Variants in EZH2 observed in about 807,000 individuals in gnomAD.
EZH2 encodes enhancer of zeste 2 polycomb repressive complex 2 subunit.
EZH2 carries 18 observed loss-of-function variants against 98.4 expected under a neutral mutation model. That is an observed-to-expected ratio of 0.18 (90% CI 0.13 to 0.27). The LOEUF (loss-of-function observed/expected upper bound fraction) is 0.27. Among genes scored for constraint, EZH2 ranks in the 10% least tolerant of loss-of-function variants. The pLI is 1.00. For synonymous variants in EZH2, 338 were observed against 312.3 expected, an observed-to-expected ratio of 1.08 and a Z score of -0.87; for missense variants, 470 against 935.1, an observed-to-expected ratio of 0.50 and a Z score of 6.49.
At chr7:148,826,714 G>A (rs1807813152) in intron 7 of EZH2, 82 bp from the exon 8 acceptor site, 2 of 1,185,336 alleles carry the variant, frequency 1.7e-6, no homozygotes, top group Non-Finnish European at 2.2e-6. Flanking sequence ...GTTTCCATGT[G>A]TTACTTTTGA....
intron 1 of EZH2, among the ~76,000 whole-genome samples, chr7:148,854,614 A>C (rs2129487069): frequency 6.6e-6 from 1 of 152,332 alleles, no homozygotes; most frequent in African/African-American, 2.4e-5. Flanking sequence ...TTAACTGAAT[A>C]CCAGGCTATG....
At chr7:148,849,019 G>C (rs1019803077) in intron 1 of EZH2, among the ~76,000 whole-genome samples, 1 of 151,890 alleles carries the variant, frequency 6.6e-6, no homozygotes, top group African/African-American at 2.4e-5. Context: ...CAATGTAAAT[G>C]CCATGTAAAT....
At chr7:148,870,191 C>T (rs1819147552) in intron 1 of EZH2, among the ~76,000 whole-genome samples, 2 of 152,240 alleles carry the variant, frequency 1.3e-5, no homozygotes. Flanking sequence ...AGCAACACTT[C>T]TGCCATCTAC....
intron 9 of EZH2, 57 bp downstream of exon 9, chr7:148,819,539 A>T: frequency 7.0e-7 from 1 of 1,421,236 alleles, no homozygotes; most frequent in Admixed American, 1.7e-5. Context: ...GATCACCTCC[A>T]CCAAAGTGCA....
At chr7:148,858,075 G>A (rs1249799230) in intron 1 of EZH2, among the ~76,000 whole-genome samples, 2 of 151,686 alleles carry the variant, frequency 1.3e-5, no homozygotes, top group Non-Finnish European at 1.5e-5. Context: ...GGCAGATCAC[G>A]AGGTCAGGAG....
chr7:148,862,540 T>C (rs529373694), intron 1 of EZH2, among the ~76,000 whole-genome samples: 42 of 152,314 alleles, frequency 2.8e-4, no homozygotes, highest in Non-Finnish European at 4.9e-4. Context: ...TTAAAAAAAG[T>C]CTGCCAAATA....
At chr7:148,875,983 C>T (rs1027728170) in intron 1 of EZH2, 6 of 152,130 alleles carry the variant, frequency 3.9e-5, no homozygotes, top group Non-Finnish European at 5.9e-5. Context: ...CAGGAAAACC[C>T]CATCTCTACA....
chr7:148,830,522 A>G (rs1809070040), intron 4 of EZH2, among the ~76,000 whole-genome samples: 1 of 152,242 alleles, frequency 6.6e-6, no homozygotes, highest in South Asian at 2.1e-4. Context: ...AAGACATCCA[A>G]TATAATAAAA....
intron 18 of EZH2, 59 bp downstream of exon 18, chr7:148,809,251 C>CA (rs561081035): frequency 5.6e-4 from 885 of 1,583,064 alleles, no homozygotes; most frequent in Middle Eastern, 2.2e-3. Context: ...CAGAAGTATT[C>CA]AAGTCCATCA....
intron 6 of EZH2, 107 bp from the exon 7 acceptor site, chr7:148,827,373 A>G (rs1039002108): frequency 2.3e-5 from 18 of 767,324 alleles, no homozygotes; most frequent in Non-Finnish European, 3.8e-5. Context: ...ATTTTCTAAG[A>G]AATCATCTCT....
chr7:148,871,310 A>C (rs1243963108), intron 1 of EZH2, among the ~76,000 whole-genome samples: 1 of 151,848 alleles, frequency 6.6e-6, no homozygotes, highest in Non-Finnish European at 1.5e-5. Context: ...TTAAAATAGA[A>C]CTACCATATG....
In EZH2 at chr7:148,832,633, C is replaced by T. The variant is rs1809715882; in HGVS notation, c.363+1G>A. 2 of 1,469,150 alleles carry T rather than the reference C, an allele frequency of 1.4e-6. No homozygotes were observed. The highest frequency in any genetic ancestry group is 1.2e-5 in the South Asian group (1 of 80,520). 91.0% of individuals were successfully genotyped at this position (1,469,150 alleles called of 1,614,324 possible). A position where few individuals can be genotyped will look rare whatever the true frequency, so the allele number is the denominator to read the frequency against. The stretch of plus-strand genomic sequence containing the variant: ...AAGCAGAAGATATCTTATTTACATA[C>T]CATAAAATTCTGCTGTAGGGGAGAC... On this transcript the variant is annotated splice_donor_variant, in intron 4 of 19. Coordinates refer to ENST00000320356, the MANE Select transcript of EZH2 (RefSeq NM_004456.5). LOFTEE classifies it high-confidence loss of function.
intron 3 of EZH2, among the ~76,000 whole-genome samples, chr7:148,839,101 G>GAAGGAAGGAAGA (rs1202502279): frequency 1.3e-5 from 2 of 151,578 alleles, no homozygotes; most frequent in South Asian, 4.2e-4. Context: ...AGGAAGGAAG[G>GAAGGAAGGAAGA]AAGGAAAGTG....
chr7:148,833,825 C>T (rs1810106569), intron 3 of EZH2, among the ~76,000 whole-genome samples: 1 of 152,084 alleles, frequency 6.6e-6, no homozygotes, highest in South Asian at 2.1e-4. Flanking sequence ...GTAGCTTGCC[C>T]AAAGTTGCGC....
chr7:148,830,572 T>C (rs988794366), intron 4 of EZH2, among the ~76,000 whole-genome samples: 6 of 152,182 alleles, frequency 3.9e-5, no homozygotes, highest in East Asian at 1.9e-4. Context: ...TTAAAGTTTA[T>C]GCCAAAAGGA....
intron 1 of EZH2, among the ~76,000 whole-genome samples, chr7:148,881,933 CAA>C (rs11412628): frequency 8.2e-6 from 1 of 122,116 alleles, no homozygotes. Context: ...GGCTCTGTCT[CAA>C]AAAAAAAAAA....
In EZH2 at chr7:148,839,088, G is replaced by A. The variant is rs79661867; in HGVS notation, c.247-6338C>T. 7.0e-3 allele frequency among the ~76,000 whole-genome samples: 990 copies of A among 140,856 alleles called. 20 individuals are homozygous for A. The highest frequency in any genetic ancestry group is 0.027 in the African/African-American group (947 of 34,996). 92.4% of individuals were successfully genotyped at this position (140,856 alleles called of 152,430 possible). ...AGGAAGGAAGGAAGGAAGGAAGGAA[G>A]GAAGGAAGGAAGGAAGGAAAGTGAG... On this transcript the variant is annotated intron_variant, in intron 3 of 19. Coordinates refer to ENST00000320356, the MANE Select transcript of EZH2 (RefSeq NM_004456.5).
chr7:148,876,292 G>GAA (rs112143426), intron 1 of EZH2: 11 of 144,800 alleles, frequency 7.6e-5, no homozygotes, highest in East Asian at 2.0e-4. Flanking sequence ...ATCTTGGAGG[G>GAA]AAAAAAAAAA....
chr7:148,815,091 ATCAT>A (rs1377035719), intron 13 of EZH2, 52 bp from the exon 14 acceptor site: 2 of 1,594,008 alleles, frequency 1.3e-6, no homozygotes, highest in African/African-American at 2.7e-5. Flanking sequence ...GATGGAAACG[ATCAT>A]ACACAATTAA....
Sources: gnomAD v4.1 joint callset for allele counts (sites outside exome capture counted in the v4.1 genomes callset) on GRCh38, gnomAD v4.1.1 for gene constraint, MANE v1.5 for transcripts, NCBI Gene and HGNC (gene_info 2026-07-23, HGNC 2026-07-21) for gene names.